The following ABCA13 variants were observed in gnomAD, a reference collection of about 807,000 sequenced individuals.
ABCA13 encodes the protein ATP-binding cassette sub-family A member 13.
Under a neutral mutation model 478.7 loss-of-function variants are expected in ABCA13, and 476 were observed. That is an observed-to-expected ratio of 0.99 (90% CI 0.92 to 1.07). The LOEUF (loss-of-function observed/expected upper bound fraction) is 1.07, where lower values mean the gene tolerates loss of function less well. Ranked by LOEUF, ABCA13 falls within the 50% of genes least tolerant of loss-of-function variation. ABCA13 has a pLI of 0.00. For synonymous variants in ABCA13, 2,252 were observed against 2,158.9 expected, an observed-to-expected ratio of 1.04 and a Z score of -1.20; for missense variants, 6,060 against 5,910.6, an observed-to-expected ratio of 1.03 and a Z score of -0.83.
chr7:48,183,608 C>T (rs140237560), intron 1 of ABCA13, among the ~76,000 whole-genome samples: 10,497 of 152,246 alleles, frequency 0.069, 459 homozygotes, highest in East Asian at 0.16. Context: ...GGATTGTGTA[C>T]GGCTCTGCTT....
chr7:48,553,681 T>C (rs1785525824), intron 55 of ABCA13, among the ~76,000 whole-genome samples: 1 of 152,114 alleles, frequency 6.6e-6, no homozygotes, highest in Non-Finnish European at 1.5e-5. Context: ...TGTATATCTG[T>C]TTGAACTTGT....
chr7:48,506,221 C>A, intron 48 of ABCA13, 115 bp from the exon 49 acceptor site: 1 of 1,150,676 alleles, frequency 8.7e-7, no homozygotes, highest in Non-Finnish European at 1.3e-6. Context: ...AGGGCCTGGG[C>A]AAAGCAAGCA....
At chr7:48,299,216 A>G (rs1283137496) in intron 23 of ABCA13, among the ~76,000 whole-genome samples, 2 of 152,212 alleles carry the variant, frequency 1.3e-5, no homozygotes, top group African/African-American at 4.8e-5. Context: ...TTCCAGAAGT[A>G]GTAACCGTGG....
intron 59 of ABCA13, among the ~76,000 whole-genome samples, chr7:48,616,515 A>G (rs770640800): frequency 6.6e-6 from 1 of 152,190 alleles, no homozygotes; most frequent in Non-Finnish European, 1.5e-5. Flanking sequence ...GTTTCCCACA[A>G]GAGCCAGCAG....
rs1795856263 is a variant in ABCA13, at chr7:48,273,196, A to G, written c.3530A>G (p.His1177Arg). The change falls in exon 17 of 62, where the codon CAT becomes CGT. Residue 1177 changes from histidine (H) to arginine (R), a missense_variant. His to Arg is a conservative substitution (Grantham distance 29). Transcript: ENST00000435803. Reference protein sequence around the residue: ...FDMNVFTSLHHGFTQLLDELE... With the variant: ...FDMNVFTSLHRGFTQLLDELE... ...ATGAATGTTTTCACATCTCTTCATC[A>G]TGGTTTCACTCAGCTTTTGGATGAA... 1 of 1,613,594 alleles carries G rather than the reference A, an allele frequency of 6.2e-7. No individual in the cohort carries two copies. Among genetic ancestry groups the G allele is most frequent in the Non-Finnish European group, 8.5e-7 (1 of 1,179,760 alleles).
chr7:48,209,202 A>G (rs118098442), intron 3 of ABCA13, among the ~76,000 whole-genome samples: 1 of 152,188 alleles, frequency 6.6e-6, no homozygotes, highest in Admixed American at 6.5e-5. Flanking sequence ...TTATATTTAC[A>G]TGTAAATTTA....
At position 48,278,760 on chromosome 7, in the gene ABCA13, T is replaced by C. The variant is rs1262588242; in HGVS notation, c.7566T>C (p.Ile2522=). The change falls in exon 18 of 62, where the codon ATT becomes ATC. Residue 2522 remains isoleucine, a synonymous_variant. Coordinates refer to ENST00000435803, the MANE Select transcript of ABCA13 (RefSeq NM_152701.5). ...ATCTTGCCACATCAATGGACTCCAT[T>C]GTGAAACTTCTTAAGCTGGTCAAGA... ...LRDLATSMDS[I]VKLLKLVKKV... is the part of the protein sequence containing the mutation. The C allele has an allele frequency of 1.2e-6, 2 of 1,613,970 alleles. No homozygotes were observed. Among genetic ancestry groups the C allele is most frequent in the Admixed American group, 1.7e-5 (1 of 60,016 alleles).
At chr7:48,422,236 A>C (rs1171523324) in intron 41 of ABCA13, among the ~76,000 whole-genome samples, 1 of 124,304 alleles carries the variant, frequency 8.0e-6, no homozygotes, top group Non-Finnish European at 1.6e-5. Flanking sequence ...CAATACATTC[A>C]GTATTTTGAG....
chr7:48,489,269 C>T lies in ABCA13; in HGVS notation c.13216C>T (p.Pro4406Ser), dbSNP rs753211343. ...TAATCAGAAGGGTTTTCATTCCCTACCTTCCTACTTAAATCATCTAAACAA... is the reference window on the plus strand; with the variant it reads ...TAATCAGAAGGGTTTTCATTCCCTATCTTCCTACTTAAATCATCTAAACAA... ...WYNQKGFHSL[P>S]SYLNHLNNLI... Residue 4406 changes from proline to serine, a missense_variant, in exon 48 of 62, where the codon CCT (proline) becomes TCT (serine). By Grantham distance (74) the Pro-to-Ser change is moderately conservative. Transcript: ENST00000435803. 6.2e-7 allele frequency: 1 copy of T among 1,612,774 alleles called. No individual in the cohort carries two copies. The highest frequency in any genetic ancestry group is 8.5e-7 in the Non-Finnish European group (1 of 1,179,182).
At chr7:48,397,488 A>AG (rs1402947821) in intron 38 of ABCA13, among the ~76,000 whole-genome samples, 2 of 152,038 alleles carry the variant, frequency 1.3e-5, no homozygotes, top group East Asian at 3.8e-4. Context: ...AAAAAAAAAA[A>AG]GAATATGGTA....
chr7:48,546,136 A>G (rs1168505384), intron 55 of ABCA13, among the ~76,000 whole-genome samples: 1 of 151,898 alleles, frequency 6.6e-6, no homozygotes, highest in Non-Finnish European at 1.5e-5. Flanking sequence ...TAAGAAATAC[A>G]CCTGCATCTG....
In ABCA13 at chr7:48,198,309, G is replaced by A; in HGVS notation, c.236G>A (p.Gly79Glu). The part of the protein sequence containing the change: ...PFVQSLLCNT[G>E]SRCRNFSYEG... ...GTTCAAAGCCTTCTTTGTAACACTGGATCAAGGTGTAGGAACTTCAGCTAT... is the reference window on the plus strand; with the variant it reads ...GTTCAAAGCCTTCTTTGTAACACTGAATCAAGGTGTAGGAACTTCAGCTAT... The change falls in exon 3 of 62, where the codon GGA (glycine) becomes GAA (glutamate). Residue 79 changes from glycine to glutamate, a missense_variant. Physicochemically the swap from Gly to Glu is moderately conservative, Grantham distance 98. Around this residue, in one of 3 missense-constraint regions of ABCA13, gnomAD observed 4,423 missense variants for 4,309.1 expected, o/e 1.03. Transcript: ENST00000435803. The A allele has an allele frequency of 6.2e-7, 1 of 1,613,704 alleles. No homozygotes were observed.
At chr7:48,626,962 G>C in intron 59 of ABCA13, 1 of 985,420 alleles carries the variant, frequency 1.0e-6, no homozygotes, top group Non-Finnish European at 1.2e-6. Flanking sequence ...GTATGGTTGA[G>C]ACGGAGGAAT....
chr7:48,608,821 T>C (rs1416732146), intron 58 of ABCA13, among the ~76,000 whole-genome samples: 1 of 152,238 alleles, frequency 6.6e-6, no homozygotes, highest in Non-Finnish European at 1.5e-5. Context: ...TGGTATGCTT[T>C]TTGTTCAATT....
chr7:48,573,153 G>T (rs2131329919), intron 55 of ABCA13, among the ~76,000 whole-genome samples: 1 of 151,634 alleles, frequency 6.6e-6, no homozygotes, highest in Non-Finnish European at 1.5e-5. Flanking sequence ...TCTTAATTTT[G>T]CTTATTATAA....
chr7:48,374,131 G>A (rs1001281467), intron 33 of ABCA13, among the ~76,000 whole-genome samples: 5 of 152,056 alleles, frequency 3.3e-5, no homozygotes, highest in South Asian at 2.1e-4. Flanking sequence ...TCCTTTTAAC[G>A]TTAAAAACTA....
chr7:48,182,650 C>T (rs1268011842), intron 1 of ABCA13, among the ~76,000 whole-genome samples: 1 of 152,012 alleles, frequency 6.6e-6, no homozygotes, highest in Non-Finnish European at 1.5e-5. Flanking sequence ...AAAAAACAAC[C>T]CTACTCCTCA....
chr7:48,304,601 C>T (rs2128866154), intron 23 of ABCA13, among the ~76,000 whole-genome samples: 1 of 151,820 alleles, frequency 6.6e-6, no homozygotes, highest in South Asian at 2.1e-4. Flanking sequence ...TGGGGGACTA[C>T]TAGAGGGGGA....
At chr7:48,257,651 C>A (rs1793594102) in intron 15 of ABCA13, among the ~76,000 whole-genome samples, 1 of 152,082 alleles carries the variant, frequency 6.6e-6, no homozygotes, top group Non-Finnish European at 1.5e-5. Context: ...TGGGATAAAG[C>A]CTACTTGATT....
Sources: gnomAD v4.1 joint callset for allele counts (sites outside exome capture counted in the v4.1 genomes callset) on GRCh38, gnomAD v4.1.1 for gene constraint, gnomAD v4.1.1 regional missense constraint, MANE v1.5 for transcripts, NCBI Gene and HGNC (gene_info 2026-07-23, HGNC 2026-07-21) for gene names.